AXIN2: variants seen among roughly 807,000 people sequenced by gnomAD.
The protein encoded by AXIN2 is axin-2.
In AXIN2, 21 loss-of-function variants were observed where a neutral mutation model predicts 74.7. The observed-to-expected ratio is 0.28, with a 90% CI of 0.20 to 0.40. AXIN2 has a LOEUF of 0.40. Ranked by LOEUF, AXIN2 falls within the 10% of genes least tolerant of loss-of-function variation. AXIN2 has a pLI of 1.00. For synonymous variants in AXIN2, 532 were observed against 454.9 expected, an observed-to-expected ratio of 1.17 and a Z score of -2.16; for missense variants, 1,144 against 1,111.1, an observed-to-expected ratio of 1.03 and a Z score of -0.42.
intron 6 of AXIN2, 35 bp downstream of exon 6, chr17:65,537,289 C>G: frequency 6.2e-7 from 1 of 1,613,120 alleles, no homozygotes; most frequent in Non-Finnish European, 8.5e-7. Context: ...GGAGACAAGC[C>G]CCACACGGGA....
chr17:65,551,398 G>C (rs2044191500), intron 2 of AXIN2, among the ~76,000 whole-genome samples: 1 of 152,180 alleles, frequency 6.6e-6, no homozygotes, highest in Admixed American at 6.5e-5. Flanking sequence ...AAGGGACGTA[G>C]GTCTTCAGTG....
At chr17:65,531,433 GT>G (rs2043815641) in intron 10 of AXIN2, among the ~76,000 whole-genome samples, 1 of 151,728 alleles carries the variant, frequency 6.6e-6, no homozygotes, top group Non-Finnish European at 1.5e-5. Flanking sequence ...TCGGGGGAGC[GT>G]GAGAGGAGAC....
intron 2 of AXIN2, among the ~76,000 whole-genome samples, chr17:65,554,019 C>T (rs1010119439): frequency 3.3e-5 from 5 of 152,158 alleles, no homozygotes; most frequent in African/African-American, 4.8e-5. Flanking sequence ...TGGTTTGCAA[C>T]CTCAGTAAGC....
chr17:65,550,640 G>A (rs1041401096), intron 2 of AXIN2, among the ~76,000 whole-genome samples: 2 of 152,174 alleles, frequency 1.3e-5, no homozygotes, highest in Non-Finnish European at 2.9e-5. Context: ...TATGCCAGCA[G>A]CAAAGAAATC....
intron 4 of AXIN2, among the ~76,000 whole-genome samples, chr17:65,540,913 GCT>G (rs899687515): frequency 4.6e-5 from 7 of 152,082 alleles, no homozygotes; most frequent in African/African-American, 1.7e-4. Context: ...AAGGAGTCTC[GCT>G]CTGTCGCCCA....
chr17:65,534,198 T>A, intron 9 of AXIN2, 119 bp from the exon 10 acceptor site: 3 of 1,292,018 alleles, frequency 2.3e-6, no homozygotes, highest in Non-Finnish European at 3.3e-6. Flanking sequence ...AGGGCTGCAA[T>A]TGTAAACCCA....
At chr17:65,542,274 G>T (rs1375192851) in intron 3 of AXIN2, among the ~76,000 whole-genome samples, 1 of 152,232 alleles carries the variant, frequency 6.6e-6, no homozygotes, top group Non-Finnish European at 1.5e-5. Context: ...TCCATTTAAA[G>T]ATTAGCACCT....
chr17:65,537,309 C>T lies in AXIN2; in HGVS notation c.1712+15G>A. On this transcript the variant is annotated intron_variant, in intron 6 of 10. Transcript: ENST00000307078. ...CAAGCCCCACACGGGACACTGCGGT[C>T]CGCCCGGCACTTACCCAAACTGCTC... 6.2e-7 allele frequency: 1 copy of T among 1,613,760 alleles called. No individual in the cohort carries two copies. Among genetic ancestry groups the T allele is most frequent in the Non-Finnish European group, 8.5e-7 (1 of 1,180,044 alleles).
At chr17:65,532,582 A>G (rs1769528809) in intron 10 of AXIN2, among the ~76,000 whole-genome samples, 3 of 152,086 alleles carry the variant, frequency 2.0e-5, no homozygotes, top group Admixed American at 2.0e-4. Context: ...TCCCCACTCC[A>G]AAGAGAATCA....
Position 65,537,114 on chromosome 17 carries a change from G to A in AXIN2, c.1713-51C>T, listed in dbSNP as rs752309247. The A allele has an allele frequency of 4.4e-6, 7 of 1,577,476 alleles. No homozygotes were observed. In the Admixed American group the frequency reaches 7.3e-5, roughly 16 times the overall value. On this transcript the variant is annotated intron_variant, in intron 6 of 10. Coordinates refer to ENST00000307078, the MANE Select transcript of AXIN2 (RefSeq NM_004655.4). ...AACCCAGAGACCCGGTTAAATCTCC[G>A]GGACTCCTAGAATCAGACAATTCAG...
chr17:65,536,661 T>TAAAAA, intron 7 of AXIN2, 108 bp from the exon 8 acceptor site: 1 of 1,219,468 alleles, frequency 8.2e-7, no homozygotes, highest in South Asian at 1.4e-5. Flanking sequence ...GAGAGAGAGT[T>TAAAAA]AAAAAAAAAA....
rs1320646767 is a variant in AXIN2 at position 65,529,556 on chromosome 17, A to T, written c.*420T>A. The T allele has an allele frequency of 2.9e-6, 1 of 342,012 alleles. No homozygotes were observed. Among genetic ancestry groups the T allele is most frequent in the Non-Finnish European group, 5.4e-6 (1 of 183,670 alleles). 21.2% of individuals were successfully genotyped at this position (342,012 alleles called of 1,614,324 possible). On this transcript the variant is annotated 3_prime_UTR_variant, in exon 11 of 11. Transcript: ENST00000307078. ...TTCCTGTCTCCCCCTTCCAAGTTTA[A>T]AGCAGCATATCCATAAACTGGGGAT...
chr17:65,556,204 G>A (rs1395395192), intron 2 of AXIN2, among the ~76,000 whole-genome samples: 7 of 152,176 alleles, frequency 4.6e-5, no homozygotes, highest in African/African-American at 1.7e-4. Context: ...TGCTATTTAC[G>A]AAGGTGACAC....
intron 2 of AXIN2, among the ~76,000 whole-genome samples, chr17:65,557,250 G>A (rs1418244237): frequency 6.6e-6 from 1 of 152,078 alleles, no homozygotes; most frequent in Non-Finnish European, 1.5e-5. Context: ...TTTCTTGCTG[G>A]GTAAATATCT....
chr17:65,541,081 T>C (rs1465615672), intron 4 of AXIN2, among the ~76,000 whole-genome samples: 1 of 152,144 alleles, frequency 6.6e-6, no homozygotes, highest in African/African-American at 2.4e-5. Flanking sequence ...TTCACCATGT[T>C]GGCCAGGCTG....
chr17:65,554,791 G>A (rs980334941), intron 2 of AXIN2, among the ~76,000 whole-genome samples: 3 of 152,158 alleles, frequency 2.0e-5, no homozygotes, highest in South Asian at 2.1e-4. Flanking sequence ...ACAAGGGCCC[G>A]TGCAGAAAGG....
intron 4 of AXIN2, 58 bp from the exon 5 acceptor site, chr17:65,538,401 G>A (rs2144479778): frequency 6.2e-7 from 1 of 1,607,762 alleles, no homozygotes; most frequent in Non-Finnish European, 8.5e-7. Context: ...GTGGGCGGTG[G>A]CTTGGCCGGA....
chr17:65,557,961 G>A lies in AXIN2; in HGVS notation c.660C>T (p.Val220=), dbSNP rs1416113967. ...MSNGGLGSLK[V]VCGYLPTLNE... ...TCAAGGTGGGGAGATAGCCACACACGACCTTTAGGCTCCCGAGTCCCCCAT... is the reference window on the plus strand; with the variant it reads ...TCAAGGTGGGGAGATAGCCACACACAACCTTTAGGCTCCCGAGTCCCCCAT... The change falls in exon 2 of 11, where the codon GTC becomes GTT. Residue 220 remains valine (V), a synonymous_variant. Transcript: ENST00000307078. 1.2e-6 allele frequency: 2 copies of A among 1,614,152 alleles called. No individual in the cohort carries two copies. The highest frequency in any genetic ancestry group is 3.3e-5 in the Admixed American group (2 of 60,028).
chr17:65,538,920 C>CA (rs1380987883), intron 4 of AXIN2, among the ~76,000 whole-genome samples: 1 of 152,068 alleles, frequency 6.6e-6, no homozygotes, highest in Admixed American at 6.6e-5. Context: ...GGTGGTGTCT[C>CA]AACACTGTCC....
Sources: allele counts gnomAD v4.1 joint callset (sites outside exome capture counted in the v4.1 genomes callset), GRCh38; gene constraint gnomAD v4.1.1; transcripts MANE v1.5; gene names NCBI Gene and HGNC (gene_info 2026-07-23, HGNC 2026-07-21).